The following PCDHA8 variants were observed in gnomAD, a reference collection of about 807,000 sequenced individuals.
PCDHA8 encodes protocadherin alpha-8.
Under a neutral mutation model 61.8 loss-of-function variants are expected in PCDHA8, and 53 were observed. The ratio of observed to expected loss-of-function variants is 0.86; its 90% CI spans 0.69 to 1.08. The LOEUF (loss-of-function observed/expected upper bound fraction) is 1.08. Ranked by LOEUF, PCDHA8 falls within the 50% of genes least tolerant of loss-of-function variation. The pLI is 0.00. For synonymous variants in PCDHA8, 618 were observed against 556.6 expected (o/e 1.11, Z -1.55); for missense variants, 1,293 against 1,245.0 (o/e 1.04, Z -0.58).
Position 140,843,680 on chromosome 5 carries a change from G to T in PCDHA8, c.2359G>T (p.Glu787Ter). The T allele has an allele frequency of 6.3e-7, 1 of 1,588,882 alleles. No homozygotes were observed. The highest frequency in any genetic ancestry group is 2.2e-5 in the East Asian group (1 of 44,830). ...TGATCTGGGATCAGTTGATGTAGGC[G>T]AAGAGCAAGATTTAAATGTTGATCA... ...PPDLGSVDVGEEQDLNVDHGL... is the reference protein window; with the variant it reads ...PPDLGSVDVG The change falls in exon 1 of 4, where the codon GAA becomes TAA. Residue 787 changes from glutamate to a stop codon, truncating the protein, a stop_gained. Coordinates refer to ENST00000531613, the MANE Select transcript of PCDHA8 (RefSeq NM_018911.3). LOFTEE classifies it high-confidence loss of function.
At chr5:140,987,239 G>T (rs1005484275) in intron 3 of PCDHA8, among the ~76,000 whole-genome samples, 6 of 151,586 alleles carry the variant, frequency 4.0e-5, no homozygotes, top group East Asian at 1.9e-4. Flanking sequence ...AATAAATAAA[G>T]AAAGAAAGAC....
chr5:140,951,145 T>G (rs2094553191), intron 1 of PCDHA8, among the ~76,000 whole-genome samples: 1 of 100,698 alleles, frequency 9.9e-6, no homozygotes, highest in South Asian at 2.6e-4. Flanking sequence ...TTTATCTTAT[T>G]GAATATAGTT....
chr5:140,926,903 G>GT, intron 1 of PCDHA8: 1 of 1,558,060 alleles, frequency 6.4e-7, no homozygotes, highest in Non-Finnish European at 8.7e-7. Context: ...ATGGTGGGCT[G>GT]TGGGGTGGCA....
intron 1 of PCDHA8, chr5:140,968,070 A>T: frequency 6.2e-7 from 1 of 1,614,152 alleles, no homozygotes; most frequent in Non-Finnish European, 8.5e-7. Context: ...GTGGCTGTCT[A>T]CAACATCACG....
At chr5:140,870,073 A>G in intron 1 of PCDHA8, 1 of 1,613,872 alleles carries the variant, frequency 6.2e-7, no homozygotes. Flanking sequence ...GGCTACAGAT[A>G]AGGGGACTCC....
chr5:140,869,279 T>C, intron 1 of PCDHA8: 1 of 1,613,596 alleles, frequency 6.2e-7, no homozygotes, highest in Non-Finnish European at 8.5e-7. Context: ...CTGGCGGAGC[T>C]GGTGCAGCGC....
chr5:140,928,642 G>A (rs2085397273), intron 1 of PCDHA8: 2 of 1,614,114 alleles, frequency 1.2e-6, no homozygotes, highest in Non-Finnish European at 8.5e-7. Flanking sequence ...CACAAAAGTG[G>A]TAGCAGAGGA....
At chr5:140,875,465 T>G in intron 1 of PCDHA8, 1 of 1,599,690 alleles carries the variant, frequency 6.3e-7, no homozygotes, top group Non-Finnish European at 8.5e-7. Flanking sequence ...AGGCCCTCAT[T>G]TTCTGCAATG....
At chr5:140,996,655 A>G (rs974466773) in intron 3 of PCDHA8, among the ~76,000 whole-genome samples, 5 of 152,226 alleles carry the variant, frequency 3.3e-5, no homozygotes, top group African/African-American at 1.2e-4. Context: ...TCCTGGGTGC[A>G]GGCTAGTTTT....
chr5:140,861,396 C>T, intron 1 of PCDHA8: 1 of 455,520 alleles, frequency 2.2e-6, no homozygotes, highest in Non-Finnish European at 4.5e-6. Context: ...GGGTCTGGAG[C>T]TTGTGGAGCT....
At chr5:140,878,399 A>T (rs1246599611) in intron 1 of PCDHA8, among the ~76,000 whole-genome samples, 2 of 152,238 alleles carry the variant, frequency 1.3e-5, no homozygotes, top group East Asian at 3.8e-4. Flanking sequence ...TTGCTCACAA[A>T]ATATCTTCTT....
At chr5:140,932,471 A>G (rs1056932090) in intron 1 of PCDHA8, among the ~76,000 whole-genome samples, 11 of 152,050 alleles carry the variant, frequency 7.2e-5, no homozygotes, top group African/African-American at 1.7e-4. Flanking sequence ...TATAGGAAAT[A>G]GGATATCTCC....
intron 1 of PCDHA8, among the ~76,000 whole-genome samples, chr5:140,940,100 C>T (rs536415343): frequency 6.6e-6 from 1 of 152,094 alleles, no homozygotes; most frequent in South Asian, 2.1e-4. Flanking sequence ...AAACTTTTAG[C>T]GTTATGTATT....
At chr5:140,979,738 G>T (rs754559318) in intron 2 of PCDHA8, among the ~76,000 whole-genome samples, 10 of 152,194 alleles carry the variant, frequency 6.6e-5, no homozygotes, top group East Asian at 1.9e-4. Context: ...CCAAATAAAA[G>T]ATTCATTATT....
At chr5:140,957,548 T>C (rs1554223015) in intron 1 of PCDHA8, among the ~76,000 whole-genome samples, 1 of 152,154 alleles carries the variant, frequency 6.6e-6, no homozygotes, top group Non-Finnish European at 1.5e-5. Flanking sequence ...GAAAGTATTC[T>C]CTGTGGAAAA....
chr5:140,988,866 C>T (rs1364853349), intron 3 of PCDHA8: 2 of 152,170 alleles, frequency 1.3e-5, no homozygotes, highest in Non-Finnish European at 2.9e-5. Context: ...CTCATGTGCA[C>T]TCAGATGTAC....
At chr5:140,876,916 G>A (rs2056692894) in intron 1 of PCDHA8, 3 of 1,613,960 alleles carry the variant, frequency 1.9e-6, no homozygotes, top group Non-Finnish European at 2.5e-6. Flanking sequence ...GGCATGGGAC[G>A]CGGACGCGCA....
At chr5:140,893,898 C>T (rs2064223960) in intron 1 of PCDHA8, among the ~76,000 whole-genome samples, 9 of 152,114 alleles carry the variant, frequency 5.9e-5, no homozygotes, top group Admixed American at 5.2e-4. Flanking sequence ...GTTACTTTAC[C>T]TTCTGAATTT....
intron 1 of PCDHA8, chr5:140,969,257 AATC>A (rs782398697): frequency 1.2e-6 from 2 of 1,614,102 alleles, no homozygotes; most frequent in African/African-American, 2.7e-5. Context: ...TGACAGCAGG[AATC>A]TCACAGGCCA....
Sources: gnomAD v4.1 joint callset for allele counts (sites outside exome capture counted in the v4.1 genomes callset) on GRCh38, gnomAD v4.1.1 for gene constraint, MANE v1.5 for transcripts, NCBI Gene and HGNC (gene_info 2026-07-23, HGNC 2026-07-21) for gene names.